Variants in GARIN5A observed in about 807,000 individuals in gnomAD.
GARIN5A encodes the protein Golgi-associated RAB2 interactor protein 5A.
At chr19:50,475,973 G>C in the GARIN5A span, 2 of 1,605,374 alleles carry the variant, frequency 1.2e-6, no homozygotes, top group Non-Finnish European at 1.7e-6. Context: ...AAGTCTGGGG[G>C]TCGATCCTGG....
At chr19:50,473,847 C>G in the GARIN5A span, among the ~76,000 whole-genome samples, 4 of 151,960 alleles carry the variant, frequency 2.6e-5, no homozygotes, top group Non-Finnish European at 5.9e-5. Context: ...ATTAGCTGGG[C>G]GTGGTGGCAG....
At chr19:50,476,284 A>G in the GARIN5A span, 1 of 1,605,804 alleles carries the variant, frequency 6.2e-7, no homozygotes, top group East Asian at 2.2e-5. Context: ...TGACGTCATG[A>G]TGCGGAGCGG....
the GARIN5A span, among the ~76,000 whole-genome samples, chr19:50,474,509 C>A: frequency 6.6e-6 from 1 of 152,088 alleles, no homozygotes; most frequent in Non-Finnish European, 1.5e-5. Context: ...CCACGCCCGA[C>A]TAATTTTTTG....
chr19:50,473,341 G>A, the GARIN5A span, among the ~76,000 whole-genome samples: 1 of 151,260 alleles, frequency 6.6e-6, no homozygotes, highest in Admixed American at 6.6e-5. Flanking sequence ...TCTTTTCTCT[G>A]TCTTCTTTCT....
At chr19:50,475,832 C>G in the GARIN5A span, 1 of 1,610,268 alleles carries the variant, frequency 6.2e-7, no homozygotes, top group Middle Eastern at 1.6e-4. Context: ...GGGCTCCCTA[C>G]CTGTACGAAG....
the GARIN5A span, among the ~76,000 whole-genome samples, chr19:50,474,662 TTTC>T: frequency 6.6e-6 from 1 of 151,834 alleles, no homozygotes; most frequent in Non-Finnish European, 1.5e-5. Flanking sequence ...ATTTTTTGTA[TTTC>T]TGGTAGAGAC....
At chr19:50,475,160 G>T in the GARIN5A span, 1 of 1,077,102 alleles carries the variant, frequency 9.3e-7, no homozygotes, top group Non-Finnish European at 1.3e-6. Flanking sequence ...GCCCCTGAGG[G>T]CTGCTCTGTC....
the GARIN5A span, chr19:50,476,482 C>T: frequency 1.9e-5 from 30 of 1,575,300 alleles, no homozygotes; most frequent in African/African-American, 3.4e-4. Context: ...CGGCCTGTTC[C>T]TCCCGGCGTG....
the GARIN5A span, chr19:50,475,976 G>A: frequency 8.7e-6 from 14 of 1,603,542 alleles, no homozygotes; most frequent in Non-Finnish European, 1.0e-5. Flanking sequence ...TCTGGGGGTC[G>A]ATCCTGGGAG....
At chr19:50,468,363 C>CAAA in the GARIN5A span, among the ~76,000 whole-genome samples, 2 of 77,062 alleles carry the variant, frequency 2.6e-5, no homozygotes, top group African/African-American at 5.4e-5. Context: ...GACTGTGTCT[C>CAAA]AAAAAAAAAA....
chr19:50,467,055 G>A, the GARIN5A span: 2 of 152,696 alleles, frequency 1.3e-5, no homozygotes, highest in African/African-American at 4.8e-5. Flanking sequence ...GGGAAGCCAG[G>A]TGTCCTAAGA....
chr19:50,476,759 A>G, the GARIN5A span: 3 of 742,052 alleles, frequency 4.0e-6, no homozygotes, highest in Admixed American at 3.5e-5. Context: ...CGCAGGGCTG[A>G]GAGGGAAGAG....
At chr19:50,473,365 T>C in the GARIN5A span, among the ~76,000 whole-genome samples, 1 of 152,102 alleles carries the variant, frequency 6.6e-6, no homozygotes, top group Non-Finnish European at 1.5e-5. Context: ...CTCTCTTTCT[T>C]TCTTTTTTAG....
At chr19:50,470,360 A>G in the GARIN5A span, among the ~76,000 whole-genome samples, 1 of 152,106 alleles carries the variant, frequency 6.6e-6, no homozygotes. Context: ...CTAAAAATAC[A>G]AAATTAGCTG....
the GARIN5A span, chr19:50,467,880 A>G: frequency 6.3e-7 from 1 of 1,575,458 alleles, no homozygotes. Flanking sequence ...CGGGTCCTCC[A>G]GCACCGTCGG....
the GARIN5A span, among the ~76,000 whole-genome samples, chr19:50,469,513 GAA>G: frequency 6.6e-6 from 1 of 152,198 alleles, no homozygotes; most frequent in Non-Finnish European, 1.5e-5. Context: ...GTCCAGTGGT[GAA>G]AGTTTCCCTG....
the GARIN5A span, among the ~76,000 whole-genome samples, chr19:50,469,292 C>T: frequency 1.3e-5 from 2 of 152,350 alleles, no homozygotes; most frequent in South Asian, 2.1e-4. Context: ...CCCGCCCCCT[C>T]ATCGCCCTGT....
the GARIN5A span, chr19:50,476,525 G>C: frequency 4.5e-6 from 7 of 1,569,474 alleles, no homozygotes; most frequent in South Asian, 8.0e-5. Flanking sequence ...CCGTCCCTTC[G>C]CTGGTGGGAA....
the GARIN5A span, among the ~76,000 whole-genome samples, chr19:50,473,771 G>A: frequency 2.6e-5 from 4 of 152,154 alleles, no homozygotes; most frequent in Non-Finnish European, 5.9e-5. Context: ...CAGATCACCT[G>A]AGGTCAGGAG....
Sources: gnomAD v4.1 joint callset for allele counts (sites outside exome capture counted in the v4.1 genomes callset) on GRCh38, gnomAD v4.1.1 for gene constraint, MANE v1.5 for transcripts, NCBI Gene and HGNC (gene_info 2026-07-23, HGNC 2026-07-21) for gene names.